PARP8: variants seen among roughly 807,000 people sequenced by gnomAD.
PARP8 encodes the protein protein mono-ADP-ribosyltransferase PARP8.
A neutral mutation model predicts 124.1 loss-of-function variants in PARP8; 51 were observed. That is an observed-to-expected ratio of 0.41 (90% CI 0.33 to 0.52). The LOEUF (loss-of-function observed/expected upper bound fraction) is 0.52, where lower values mean the gene tolerates loss of function less well. Among genes scored for constraint, PARP8 ranks in the 20% least tolerant of loss-of-function variants. The probability of loss-of-function intolerance (pLI) is 0.21; values close to 1 mark genes in which losing one functional copy is unlikely to be tolerated. For missense variants in PARP8, 860 were observed against 1,018.9 expected (o/e 0.84, Z 2.12); for synonymous variants, 391 against 361.5 (o/e 1.08, Z -0.93).
At chr5:50,803,112 G>A (rs2149668047) in intron 14 of PARP8, among the ~76,000 whole-genome samples, 1 of 152,276 alleles carries the variant, frequency 6.6e-6, no homozygotes, top group Non-Finnish European at 1.5e-5. Context: ...GTGTGTGATG[G>A]AGGAGGATTT....
chr5:50,685,330 AC>A (rs766001869), intron 2 of PARP8, among the ~76,000 whole-genome samples: 1 of 152,206 alleles, frequency 6.6e-6, no homozygotes, highest in Non-Finnish European at 1.5e-5. Flanking sequence ...TTGGGGCCTA[AC>A]AATGTCTTCA....
chr5:50,776,789 C>A (rs1446369090), intron 7 of PARP8, among the ~76,000 whole-genome samples: 4 of 152,024 alleles, frequency 2.6e-5, no homozygotes, highest in African/African-American at 9.7e-5. Context: ...ATAAAAGTGC[C>A]ACAATTATGT....
At chr5:50,667,919 G>A (rs548311362) in intron 1 of PARP8, 152 bp from the exon 2 acceptor site, 1 of 1,518,004 alleles carries the variant, frequency 6.6e-7, no homozygotes, top group Non-Finnish European at 8.8e-7. Context: ...CATCCCCTCG[G>A]ACGCGGCGCA....
intron 2 of PARP8, among the ~76,000 whole-genome samples, chr5:50,740,488 C>T (rs1249673973): frequency 1.3e-5 from 2 of 152,032 alleles, no homozygotes; most frequent in Non-Finnish European, 1.5e-5. Context: ...AAAGATGAGA[C>T]GCATAGATAG....
At chr5:50,689,178 C>T (rs933765132) in intron 2 of PARP8, among the ~76,000 whole-genome samples, 1 of 151,864 alleles carries the variant, frequency 6.6e-6, no homozygotes, top group African/African-American at 2.4e-5. Context: ...TAGGAATGGG[C>T]TCTTTGAAAC....
rs78352231 is a variant in PARP8, at chr5:50,716,779, G to A, written c.147-33372G>A. ...ATCAAAGGGTTTGATGATTAAATGA[G>A]CTAATGCCTACATAACATTAAGAGT... On this transcript the variant is annotated intron_variant, in intron 2 of 25. Coordinates refer to ENST00000281631, the MANE Select transcript of PARP8 (RefSeq NM_024615.4). 5.5e-3 allele frequency among the ~76,000 whole-genome samples: 843 copies of A among 152,150 alleles called. 7 individuals carry two copies. The highest frequency in any genetic ancestry group is 0.019 in the African/African-American group (789 of 41,534).
intron 9 of PARP8, among the ~76,000 whole-genome samples, chr5:50,782,460 T>C (rs1388281332): frequency 6.6e-6 from 1 of 152,220 alleles, no homozygotes; most frequent in African/African-American, 2.4e-5. Context: ...GTATAATATA[T>C]GAATAGAACT....
chr5:50,705,795 G>A (rs1179823533), intron 2 of PARP8, among the ~76,000 whole-genome samples: 7 of 151,968 alleles, frequency 4.6e-5, no homozygotes, highest in South Asian at 2.1e-4. Flanking sequence ...AAAAAAAGGG[G>A]GGTTGATGGG....
Position 50,710,820 on chromosome 5 carries a change from A to G in PARP8, c.147-39331A>G, listed in dbSNP as rs527784687. Among the ~76,000 whole-genome samples the G allele has an allele frequency of 3.3e-4, 50 of 152,274 alleles. No homozygotes were observed. In the South Asian group the frequency reaches 9.1e-3, roughly 28 times the overall value. On this transcript the variant is annotated intron_variant, in intron 2 of 25. Coordinates refer to ENST00000281631, the MANE Select transcript of PARP8 (RefSeq NM_024615.4). ...TTTTGTTTCTGTGTCTGCAACCTAC[A>G]TATGTGATTGAAAATTTTTATATCT...
chr5:50,844,770 G>T lies in PARP8; in HGVS notation c.*2702G>T, dbSNP rs962554602. ...TACTTTTTCCTGCATTGCTTATTTT[G>T]TAAACATTTTACTATGAATAATCTG... On this transcript the variant is annotated 3_prime_UTR_variant, in exon 26 of 26. Transcript: ENST00000281631. The T allele has an allele frequency of 2.0e-5, 3 of 151,638 alleles. No individual in the cohort carries two copies. Among genetic ancestry groups the T allele is most frequent in the African/African-American group, 7.2e-5 (3 of 41,426 alleles). The allele number at this position is 151,638 out of a possible 1,614,324, so 9.4% of individuals were successfully genotyped here. A position where few individuals can be genotyped will look rare whatever the true frequency, so the allele number is the denominator to read the frequency against.
At chr5:50,667,818 C>T in intron 1 of PARP8, 2 of 1,134,186 alleles carry the variant, frequency 1.8e-6, no homozygotes, top group African/African-American at 1.5e-5. Context: ...TGCTTCCGGC[C>T]TCCCCTATCG....
chr5:50,737,867 C>T (rs1757632210), intron 2 of PARP8, among the ~76,000 whole-genome samples: 1 of 152,162 alleles, frequency 6.6e-6, no homozygotes, highest in Admixed American at 6.5e-5. Context: ...GAATGAGTTG[C>T]ATTTGCTAAC....
At chr5:50,759,505 TGA>T (rs1272370173) in intron 3 of PARP8, 136 bp from the exon 4 acceptor site, 1 of 942,134 alleles carries the variant, frequency 1.1e-6, no homozygotes, top group Non-Finnish European at 1.4e-6. Context: ...TCATATTTTT[TGA>T]GTTTAATCAA....
intron 2 of PARP8, among the ~76,000 whole-genome samples, chr5:50,734,974 C>G (rs1240356363): frequency 6.6e-6 from 1 of 151,896 alleles, no homozygotes; most frequent in Admixed American, 6.6e-5. Context: ...TTAAAATATG[C>G]AGAATAATAT....
chr5:50,731,049 C>A (rs1159366298), intron 2 of PARP8, among the ~76,000 whole-genome samples: 1 of 152,096 alleles, frequency 6.6e-6, no homozygotes, highest in African/African-American at 2.4e-5. Flanking sequence ...AAGGTCAGTG[C>A]GAAAAATCAC....
chr5:50,728,783 G>T (rs946335458), intron 2 of PARP8, among the ~76,000 whole-genome samples: 2 of 151,944 alleles, frequency 1.3e-5, no homozygotes, highest in African/African-American at 4.8e-5. Context: ...TTAAAATGTT[G>T]CATAATGTAT....
intron 2 of PARP8, among the ~76,000 whole-genome samples, chr5:50,718,823 T>C (rs1377292991): frequency 1.3e-5 from 2 of 152,018 alleles, no homozygotes; most frequent in Admixed American, 1.3e-4. Context: ...TTCTTTCTTT[T>C]GAGTATATAC....
chr5:50,752,160 G>T (rs1367300335), intron 3 of PARP8, among the ~76,000 whole-genome samples: 1 of 151,612 alleles, frequency 6.6e-6, no homozygotes, highest in Non-Finnish European at 1.5e-5. Context: ...TCAAACTATT[G>T]TTTGGCATCT....
chr5:50,667,614 C>G (rs1327249121), intron 1 of PARP8: 8 of 698,922 alleles, frequency 1.1e-5, no homozygotes, highest in Non-Finnish European at 1.8e-5. Flanking sequence ...AAGCTGCGCC[C>G]GGCGCCGAGG....
Sources: gnomAD v4.1 joint callset for allele counts (sites outside exome capture counted in the v4.1 genomes callset) on GRCh38, gnomAD v4.1.1 for gene constraint, MANE v1.5 for transcripts, NCBI Gene and HGNC (gene_info 2026-07-23, HGNC 2026-07-21) for gene names.